ZC3H11A: variants seen among roughly 807,000 people sequenced by gnomAD.
ZC3H11A encodes zinc finger CCCH-type containing 11A.
Under a neutral mutation model 90.8 loss-of-function variants are expected in ZC3H11A, and 22 were observed. That is an observed-to-expected ratio of 0.24 (90% CI 0.17 to 0.35). The LOEUF (loss-of-function observed/expected upper bound fraction) is 0.35, where lower values mean the gene tolerates loss of function less well. Among genes scored for constraint, ZC3H11A ranks in the 10% least tolerant of loss-of-function variants. ZC3H11A has a pLI of 1.00. For synonymous variants in ZC3H11A, 294 were observed against 339.8 expected (o/e 0.87, Z 1.48); for missense variants, 701 against 964.9 (o/e 0.73, Z 3.62).
intron 2 of ZC3H11A, among the ~76,000 whole-genome samples, chr1:203,804,249 T>C (rs1671464336): frequency 6.6e-6 from 1 of 151,638 alleles, no homozygotes. Context: ...CCTCCCGGGT[T>C]CACGCCATTC....
chr1:203,831,627 A>T, intron 8 of ZC3H11A, 34 bp from the exon 9 acceptor site: 1 of 1,574,030 alleles, frequency 6.4e-7, no homozygotes, highest in Non-Finnish European at 8.7e-7. Flanking sequence ...ATTTTCCATA[A>T]ATTATTTGCT....
intron 1 of ZC3H11A, chr1:203,799,636 A>G: frequency 2.8e-6 from 2 of 703,446 alleles, no homozygotes; most frequent in South Asian, 3.0e-5. Context: ...GTGAGCGTGA[A>G]GACCGCAGGA....
chr1:203,850,459 C>A (rs1456253270), intron 15 of ZC3H11A, 56 bp from the exon 16 acceptor site: 1 of 1,587,374 alleles, frequency 6.3e-7, no homozygotes, highest in African/African-American at 1.3e-5. Flanking sequence ...CTGAATTATT[C>A]CCCATTTAAA....
At chr1:203,831,208 T>G (rs1417196291) in intron 8 of ZC3H11A, among the ~76,000 whole-genome samples, 1 of 151,932 alleles carries the variant, frequency 6.6e-6, no homozygotes, top group South Asian at 2.1e-4. Flanking sequence ...CCCCCAGCCT[T>G]AAAATTTATA....
chr1:203,798,946 T>A, intron 1 of ZC3H11A: 1 of 1,536,122 alleles, frequency 6.5e-7, no homozygotes, highest in South Asian at 1.2e-5. Flanking sequence ...TTAGAGAATG[T>A]TCAAAGCCAA....
At chr1:203,834,214 G>A in intron 10 of ZC3H11A, 1 of 360,244 alleles carries the variant, frequency 2.8e-6, no homozygotes, top group African/African-American at 2.2e-5. Context: ...TCCCTAAGAA[G>A]AAAGAAGAAA....
intron 2 of ZC3H11A, among the ~76,000 whole-genome samples, chr1:203,811,927 C>T (rs1486492310): frequency 4.0e-5 from 6 of 151,450 alleles, no homozygotes; most frequent in Non-Finnish European, 4.4e-5. Flanking sequence ...GTGATTCTCA[C>T]ACCTCAGCCT....
At chr1:203,842,748 C>T (rs1686810699) in intron 12 of ZC3H11A, among the ~76,000 whole-genome samples, 1 of 149,952 alleles carries the variant, frequency 6.7e-6, no homozygotes, top group South Asian at 2.1e-4. Flanking sequence ...AAAAAATCTT[C>T]AAAAATACAC....
At position 203,807,703 on chromosome 1, in the gene ZC3H11A, CT is replaced by C. The variant is rs1157462484; in HGVS notation, c.-146+4691del. ...ACCATGCCCAGCTAAATTTTTTTTT[CT>C]TTTGGGAGAGAGACATGGTCTCACT... On this transcript the variant is annotated intron_variant, in intron 2 of 17. Transcript: ENST00000367210. Among the ~76,000 whole-genome samples the C allele has an allele frequency of 5.3e-5, 8 of 151,398 alleles. 1 individual carries two copies.
rs200162002 is a variant in ZC3H11A, at chr1:203,852,145, G to A, written c.2179G>A (p.Val727Met). ...ATAATCTTTTTTTTCTTACAGTCTT[G>A]TGCTGCCTCCAACCCAGTCCTCTTC... ...PEAENPRDSL[V>M]LPPTQSSSDS... The change falls in exon 18 of 18, where the codon GTG becomes ATG. Residue 727 changes from valine to methionine, a missense_variant. By Grantham distance (21) the Val-to-Met change is conservative (BLOSUM62 1). Transcript: ENST00000367210. The A allele has an allele frequency of 9.9e-6, 16 of 1,612,998 alleles. No homozygotes were observed. The highest frequency in any genetic ancestry group is 1.7e-4 in the Middle Eastern group (1 of 6,052).
chr1:203,799,304 C>G (rs758526211), intron 1 of ZC3H11A: 2 of 714,968 alleles, frequency 2.8e-6, no homozygotes, highest in Non-Finnish European at 5.0e-6. Context: ...TCATTCAGGA[C>G]TTTTTCTGCG....
At chr1:203,812,926 A>G (rs1054300381) in intron 2 of ZC3H11A, among the ~76,000 whole-genome samples, 1 of 152,170 alleles carries the variant, frequency 6.6e-6, no homozygotes, top group Non-Finnish European at 1.5e-5. Context: ...CTAATGATGC[A>G]TGATGTTGGG....
chr1:203,835,210 T>G (rs1047216793), intron 10 of ZC3H11A, among the ~76,000 whole-genome samples: 2 of 152,208 alleles, frequency 1.3e-5, no homozygotes, highest in Admixed American at 6.5e-5. Flanking sequence ...ATGAATGAAA[T>G]TAATATTTGC....
Position 203,795,680 on chromosome 1 carries a change from A to G in ZC3H11A, c.-1702A>G, listed in dbSNP as rs1213678064. The G allele has an allele frequency of 1.3e-5, 2 of 152,224 alleles. No homozygotes were observed. Among genetic ancestry groups the G allele is most frequent in the Non-Finnish European group, 2.9e-5 (2 of 68,056 alleles). 9.4% of individuals were successfully genotyped at this position (152,224 alleles called of 1,614,324 possible). On this transcript the variant is annotated 5_prime_UTR_variant, in exon 1 of 18. Transcript: ENST00000367210. ...ACGCTGGCAGTCTTGGTTTTCTGCTAGTGCTGCTGCTGCTGGGAGGACGAC... is the reference window on the plus strand; with the variant it reads ...ACGCTGGCAGTCTTGGTTTTCTGCTGGTGCTGCTGCTGCTGGGAGGACGAC...
chr1:203,798,653 CAG>C (rs1203272628), intron 1 of ZC3H11A: 7 of 1,536,012 alleles, frequency 4.6e-6, no homozygotes, highest in Non-Finnish European at 6.1e-6. Context: ...AGGTTGAAAA[CAG>C]ATCTGAAAGT....
rs150416242 is a variant in ZC3H11A at position 203,802,714 on chromosome 1, C to CTTTTTTTTTTTTTTTTTTTTTTTTTTTT, written c.-439_-438insTTTTTTTTTTTTTTTTTTTTTTTTTTTT. ...TCTCAAGTTCATCTTTAAATGAACT[C>CTTTTTTTTTTTTTTTTTTTTTTTTTTTT]TTTTTTTTTGTTTTTTTTTTGTTTT... On this transcript the variant is annotated 5_prime_UTR_variant, in exon 2 of 18. An upstream open reading frame in the 5' UTR loses its in-frame stop. Coordinates refer to ENST00000367210, the MANE Select transcript of ZC3H11A (RefSeq NM_001376342.1). 1 of 131,660 alleles carries CTTTTTTTTTTTTTTTTTTTTTTTTTTTT rather than the reference C, an allele frequency of 7.6e-6. No individual in the cohort carries two copies. 8.2% of individuals were successfully genotyped at this position (131,660 alleles called of 1,614,324 possible).
chr1:203,805,130 T>C (rs1348037856), intron 2 of ZC3H11A, among the ~76,000 whole-genome samples: 1 of 146,230 alleles, frequency 6.8e-6, no homozygotes, highest in Non-Finnish European at 1.5e-5. Flanking sequence ...TACCCACTTC[T>C]GATACAGTAG....
intron 10 of ZC3H11A, among the ~76,000 whole-genome samples, chr1:203,836,705 G>C (rs1421862859): frequency 6.6e-6 from 1 of 152,214 alleles, no homozygotes; most frequent in Non-Finnish European, 1.5e-5. Flanking sequence ...GAACCCGGGA[G>C]GTGGAGGTGG....
intron 13 of ZC3H11A, 39 bp downstream of exon 13, chr1:203,847,726 A>G (rs1381057781): frequency 6.3e-7 from 1 of 1,588,326 alleles, no homozygotes; most frequent in Non-Finnish European, 8.5e-7. Flanking sequence ...ACGTCCCCAC[A>G]TAATATTCCA....
Sources: allele counts gnomAD v4.1 joint callset (sites outside exome capture counted in the v4.1 genomes callset), GRCh38; gene constraint gnomAD v4.1.1; transcripts MANE v1.5; gene names NCBI Gene and HGNC (gene_info 2026-07-23, HGNC 2026-07-21).